Variants in PDE1C observed in about 807,000 individuals in gnomAD.
PDE1C encodes the protein phosphodiesterase 1C, also known as dual specificity calcium/calmodulin-dependent 3',5'-cyclic nucleotide phosphodiesterase 1C.
A neutral mutation model predicts 93.1 loss-of-function variants in PDE1C; 62 were observed. That is an observed-to-expected ratio of 0.67 (90% CI 0.54 to 0.82). The LOEUF is 0.82. PDE1C is among the 40% of genes least tolerant of loss of function. The probability of loss-of-function intolerance (pLI) is 0.00; values close to 1 mark genes in which losing one functional copy is unlikely to be tolerated. For synonymous variants in PDE1C, 325 were observed against 310.1 expected, an observed-to-expected ratio of 1.05 and a Z score of -0.50; for missense variants, 742 against 884.6, an observed-to-expected ratio of 0.84 and a Z score of 2.04.
At chr7:31,965,301 T>A (rs1464429582) in intron 2 of PDE1C, among the ~76,000 whole-genome samples, 4 of 152,126 alleles carry the variant, frequency 2.6e-5, no homozygotes, top group Non-Finnish European at 5.9e-5. Context: ...ACGAGAACTA[T>A]GTGACGAACG....
At chr7:31,714,846 T>C in the PDE1C span, among the ~76,000 whole-genome samples, 3 of 152,088 alleles carry the variant, frequency 2.0e-5, no homozygotes, top group Admixed American at 6.5e-5. Flanking sequence ...CCACAACACG[T>C]TGGAATTCAA....
chr7:31,837,772 T>C (rs960577772), intron 10 of PDE1C, 98 bp downstream of exon 10: 70 of 751,554 alleles, frequency 9.3e-5, no homozygotes, highest in Non-Finnish European at 1.5e-4. Flanking sequence ...CTCTATAAAG[T>C]TGTGTTAAAG....
At chr7:32,079,464 G>A (rs79412405) in intron 3 of PDE1C, among the ~76,000 whole-genome samples, 3 of 152,192 alleles carry the variant, frequency 2.0e-5, no homozygotes, top group Admixed American at 6.5e-5. Flanking sequence ...TCAAAATTCA[G>A]TGGCTTTTTA....
intron 1 of PDE1C, among the ~76,000 whole-genome samples, chr7:32,321,532 C>T (rs1054159436): frequency 6.6e-6 from 1 of 152,112 alleles, no homozygotes; most frequent in Non-Finnish European, 1.5e-5. Context: ...AAAATAGATG[C>T]CCCAGAGTTA....
At chr7:32,232,060 T>A (rs751381364) in intron 1 of PDE1C, among the ~76,000 whole-genome samples, 1 of 151,824 alleles carries the variant, frequency 6.6e-6, no homozygotes, top group Non-Finnish European at 1.5e-5. Flanking sequence ...TCTCTCCCAC[T>A]GAATGCAGCT....
chr7:31,901,406 A>G (rs1159237951), intron 2 of PDE1C, among the ~76,000 whole-genome samples: 2 of 151,460 alleles, frequency 1.3e-5, no homozygotes, highest in Non-Finnish European at 3.0e-5. Context: ...CAAAGTATAT[A>G]TCTAGGAAAA....
intron 16 of PDE1C, among the ~76,000 whole-genome samples, chr7:31,781,979 TA>T (rs1199731051): frequency 6.6e-6 from 1 of 152,166 alleles, no homozygotes; most frequent in East Asian, 1.9e-4. Context: ...AAAAAAGTGT[TA>T]ACAACCTGTG....
At chr7:32,297,934 T>A (rs1812681767) in intron 1 of PDE1C, among the ~76,000 whole-genome samples, 1 of 150,906 alleles carries the variant, frequency 6.6e-6, no homozygotes, top group Non-Finnish European at 1.5e-5. Flanking sequence ...TTGTTTCAAC[T>A]TTTATAGAAA....
intron 1 of PDE1C, among the ~76,000 whole-genome samples, chr7:32,419,933 T>G (rs994150977): frequency 8.0e-5 from 12 of 149,800 alleles, no homozygotes; most frequent in Non-Finnish European, 1.8e-4. Flanking sequence ...TTTGTAAAAA[T>G]GGGGTAATAG....
intron 1 of PDE1C, among the ~76,000 whole-genome samples, chr7:32,331,569 G>C (rs1352970726): frequency 1.3e-5 from 2 of 152,150 alleles, no homozygotes; most frequent in African/African-American, 4.8e-5. Context: ...TGGGTTGGAG[G>C]GGCAAGTGTG....
upstream of PDE1C, among the ~76,000 whole-genome samples, chr7:32,303,737 C>G (rs373700569): frequency 2.6e-5 from 4 of 152,086 alleles, no homozygotes; most frequent in Non-Finnish European, 4.4e-5. Flanking sequence ...TCTATTTCCA[C>G]AAAGGGGCAA....
At chr7:31,707,178 T>C in the PDE1C span, 20 of 1,604,430 alleles carry the variant, frequency 1.2e-5, no homozygotes, top group South Asian at 1.1e-5. Context: ...AGGTACTTAA[T>C]TGCAGGTCTG....
chr7:31,809,157 T>C, intron 15 of PDE1C, 49 bp from the exon 16 acceptor site: 1 of 1,027,186 alleles, frequency 9.7e-7, no homozygotes, highest in Middle Eastern at 2.1e-4. Flanking sequence ...GCTGAGGGGG[T>C]TGTTATAAAC....
intron 2 of PDE1C, among the ~76,000 whole-genome samples, chr7:32,186,053 T>C (rs1316504262): frequency 2.0e-5 from 3 of 151,914 alleles, no homozygotes; most frequent in African/African-American, 7.3e-5. Flanking sequence ...TTCAATAGAT[T>C]AGTCTTCCAC....
intron 3 of PDE1C, among the ~76,000 whole-genome samples, chr7:32,141,156 A>C (rs1318609613): frequency 4.3e-4 from 66 of 152,228 alleles, no homozygotes; most frequent in Admixed American, 4.3e-3. Context: ...CCCATCCCTC[A>C]TAAGTGTGGC....
the PDE1C span, chr7:31,651,202 G>A: frequency 1.2e-5 from 19 of 1,613,540 alleles, no homozygotes; most frequent in Admixed American, 2.8e-4. Flanking sequence ...GGAGTATTTA[G>A]AAGAAATTGA....
At chr7:32,010,339 A>T (rs1786910615) in intron 2 of PDE1C, among the ~76,000 whole-genome samples, 1 of 152,212 alleles carries the variant, frequency 6.6e-6, no homozygotes, top group South Asian at 2.1e-4. Flanking sequence ...AAACATACAC[A>T]CATGAATAGA....
intron 6 of PDE1C, among the ~76,000 whole-genome samples, chr7:31,867,856 C>T (rs1158493425): frequency 1.3e-5 from 2 of 152,196 alleles, no homozygotes. Context: ...CAACTGGCAT[C>T]CCATCTCCAG....
chr7:31,768,431 G>C (rs2191870), intron 17 of PDE1C, among the ~76,000 whole-genome samples: 148,909 of 152,290 alleles, frequency 0.98, 72,895 homozygotes, highest in East Asian at 1. Context: ...GGGACGGACC[G>C]CTGCAACATT....
Sources: allele counts gnomAD v4.1 joint callset (sites outside exome capture counted in the v4.1 genomes callset), GRCh38; gene constraint gnomAD v4.1.1; transcripts MANE v1.5; gene names NCBI Gene and HGNC (gene_info 2026-07-23, HGNC 2026-07-21).